MGA: variants seen among roughly 807,000 people sequenced by gnomAD.
The protein encoded by MGA is MAX gene-associated protein.
MGA carries 40 observed loss-of-function variants against 261.1 expected under a neutral mutation model. The ratio of observed to expected loss-of-function variants is 0.15; its 90% CI spans 0.12 to 0.20. The LOEUF (loss-of-function observed/expected upper bound fraction) is 0.20. Among genes scored for constraint, MGA ranks in the 10% least tolerant of loss-of-function variants. The pLI is 1.00. For missense variants in MGA, 3,397 were observed against 3,630.5 expected (o/e 0.94, Z 1.65); for synonymous variants, 1,302 against 1,290.6 (o/e 1.01, Z -0.19).
upstream of MGA, among the ~76,000 whole-genome samples, chr15:41,658,748 T>C (rs2057263659): frequency 6.6e-6 from 1 of 151,340 alleles, no homozygotes; most frequent in Non-Finnish European, 1.5e-5. Context: ...TATTTAGTTA[T>C]ATGTTTGCCT....
upstream of MGA, among the ~76,000 whole-genome samples, chr15:41,656,377 T>TCTCACACACACA (rs1555403733): frequency 1.5e-5 from 1 of 68,276 alleles, no homozygotes; most frequent in Non-Finnish European, 3.5e-5. Flanking sequence ...TCTCTCTCTC[T>TCTCACACACACA]CACACCCAGG....
chr15:41,692,729 T>C (rs956070828), intron 2 of MGA, among the ~76,000 whole-genome samples: 1 of 152,200 alleles, frequency 6.6e-6, no homozygotes, highest in Non-Finnish European at 1.5e-5. Flanking sequence ...TTTCTTTTTT[T>C]GAGACGGAGT....
chr15:41,695,028 G>T (rs569768075), intron 2 of MGA, among the ~76,000 whole-genome samples: 11 of 152,236 alleles, frequency 7.2e-5, no homozygotes, highest in Non-Finnish European at 1.0e-4. Context: ...AATATATATA[G>T]TGGTGTGTAT....
intron 9 of MGA, among the ~76,000 whole-genome samples, chr15:41,724,069 G>A (rs1298930059): frequency 6.6e-6 from 1 of 151,824 alleles, no homozygotes; most frequent in East Asian, 1.9e-4. Context: ...AGTTTATGGA[G>A]GCTTAGAAAA....
chr15:41,725,902 C>G (rs567364273), intron 9 of MGA, among the ~76,000 whole-genome samples: 1 of 151,484 alleles, frequency 6.6e-6, no homozygotes, highest in Non-Finnish European at 1.5e-5. Flanking sequence ...GCCTCTTAAC[C>G]TAGATCTTCT....
At position 41,696,444 on chromosome 15, in the gene MGA, A is replaced by C. The variant is rs1265356131; in HGVS notation, c.1434A>C (p.Arg478Ser). 2 of 1,613,860 alleles carry C rather than the reference A, an allele frequency of 1.2e-6. No individual in the cohort carries two copies. Among genetic ancestry groups the C allele is most frequent in the African/African-American group, 1.3e-5 (1 of 74,950 alleles). ...ATCTGGAGCCCTGTGCTGTCACCAG[A>C]AGCACAGTTAAGATTTCTGAACTCC... is the stretch of plus-strand genomic sequence containing the variant. The change falls in exon 3 of 24, where the codon AGA becomes AGC. Residue 478 changes from arginine (R) to serine (S), a missense_variant. Physicochemically the swap from Arg to Ser is moderately radical, Grantham distance 110. Transcript: ENST00000219905.
In MGA at chr15:41,725,584, A is replaced by AAT. The variant is rs1448668683; in HGVS notation, c.3431-1596_3431-1595insAT. 8.5e-4 allele frequency among the ~76,000 whole-genome samples: 7 copies of AAT among 8,196 alleles called. 3 individuals are homozygous for AAT. The highest frequency in any genetic ancestry group is 4.5e-3 in the Admixed American group (2 of 444). 5.4% of individuals were successfully genotyped at this position (8,196 alleles called of 152,430 possible). On this transcript the variant is annotated intron_variant, in intron 9 of 23. Transcript: ENST00000219905. Reference sequence around the variant, plus strand: ...CGCGGTGGCTCACGCCTGTAATCCCAGCACTTTGGGAGGCCGAGGCGGGCG... The same window carrying AAT: ...CGCGGTGGCTCACGCCTGTAATCCCAATGCACTTTGGGAGGCCGAGGCGGGCG...
intron 1 of MGA, among the ~76,000 whole-genome samples, chr15:41,622,558 C>G (rs546925997): frequency 6.6e-6 from 1 of 152,080 alleles, no homozygotes; most frequent in Non-Finnish European, 1.5e-5. Context: ...AAAATATTGT[C>G]TTTTAGACAT....
intron 1 of MGA, among the ~76,000 whole-genome samples, chr15:41,621,973 G>T (rs891173990): frequency 1.3e-5 from 2 of 151,540 alleles, no homozygotes; most frequent in African/African-American, 4.8e-5. Flanking sequence ...CAAGCAGGGG[G>T]AGTGCTGGGG....
chr15:41,741,005 G>A (rs1419549332), intron 14 of MGA, among the ~76,000 whole-genome samples: 1 of 152,054 alleles, frequency 6.6e-6, no homozygotes, highest in East Asian at 1.9e-4. Flanking sequence ...GAAATCTCTG[G>A]CTGAATGGTT....
chr15:41,761,721 C>T lies in MGA; in HGVS notation c.7399-18C>T. On this transcript the variant is annotated intron_variant, in intron 20 of 23. Coordinates refer to ENST00000219905, the MANE Select transcript of MGA (RefSeq NM_001164273.2). ...AAGAGTGGATCAATTTTCAATAATA[C>T]CACTATTTGTATTCTAGGCCTTCAG... The T allele has an allele frequency of 6.8e-7, 1 of 1,466,942 alleles. No homozygotes were observed. The highest frequency in any genetic ancestry group is 1.4e-5 in the African/African-American group (1 of 71,608). 90.9% of individuals were successfully genotyped at this position (1,466,942 alleles called of 1,614,324 possible).
At chr15:41,656,393 G>A (rs1168531734), upstream of MGA, among the ~76,000 whole-genome samples, 1 of 69,104 alleles carries the variant, frequency 1.4e-5, no homozygotes, top group Non-Finnish European at 3.5e-5. Flanking sequence ...CCAGGCTGGA[G>A]TGCAGTGGCA....
intron 1 of MGA, among the ~76,000 whole-genome samples, chr15:41,629,577 A>T (rs2056542842): frequency 6.6e-6 from 1 of 152,102 alleles, no homozygotes; most frequent in East Asian, 1.9e-4. Context: ...AAGAAAAAAA[A>T]AAAATTAGCT....
chr15:41,719,633 T>C (rs1418183263), intron 9 of MGA, among the ~76,000 whole-genome samples: 3 of 151,982 alleles, frequency 2.0e-5, no homozygotes, highest in Admixed American at 2.0e-4. Flanking sequence ...TCCGAGCTAC[T>C]TGGGGGGCTG....
intron 2 of MGA, chr15:41,684,322 A>G (rs1389126232): frequency 9.2e-6 from 4 of 436,876 alleles, no homozygotes; most frequent in Non-Finnish European, 1.8e-5. Flanking sequence ...TATTTGTTGC[A>G]TTGATTACAT....
rs1300663514 is a variant in MGA at position 41,669,115 on chromosome 15, G to A, written c.221G>A (p.Gly74Glu). ...CTTCCAGCTGATTGTACTGTGGGTG[G>A]AATCACTGTTACCCTCGATAACAAT... The change falls in exon 2 of 24, where the codon GGA becomes GAA. Residue 74 changes from glycine (G) to glutamate (E), a missense_variant. Physicochemically the swap from Gly to Glu is moderately conservative, Grantham distance 98 (BLOSUM62 -2). Coordinates refer to ENST00000219905, the MANE Select transcript of MGA (RefSeq NM_001164273.2). 2 of 1,611,336 alleles carry A rather than the reference G, an allele frequency of 1.2e-6. No individual in the cohort carries two copies. Among genetic ancestry groups the A allele is most frequent in the Non-Finnish European group, 1.7e-6 (2 of 1,177,672 alleles).
At chr15:41,656,649 G>C (rs2057206021), upstream of MGA, among the ~76,000 whole-genome samples, 2 of 151,616 alleles carry the variant, frequency 1.3e-5, no homozygotes, top group Admixed American at 1.3e-4. Flanking sequence ...GCATGAGCCA[G>C]TGGGTGTTTC....
intron 11 of MGA, among the ~76,000 whole-genome samples, chr15:41,729,993 A>T (rs2061428292): frequency 6.6e-6 from 1 of 152,016 alleles, no homozygotes; most frequent in African/African-American, 2.4e-5. Flanking sequence ...CTTGGGTACA[A>T]GCAATTCTCC....
At chr15:41,764,832 C>T in intron 22 of MGA, 54 bp from the exon 23 acceptor site, 1 of 1,574,132 alleles carries the variant, frequency 6.4e-7, no homozygotes, top group Non-Finnish European at 8.7e-7. Flanking sequence ...GCATGAGCCA[C>T]CACACCCAGC....
Sources: allele counts gnomAD v4.1 joint callset (sites outside exome capture counted in the v4.1 genomes callset), GRCh38; gene constraint gnomAD v4.1.1; transcripts MANE v1.5; gene names NCBI Gene and HGNC (gene_info 2026-07-23, HGNC 2026-07-21).